Variants in GPR137B observed in about 807,000 individuals in gnomAD.
GPR137B encodes the protein integral membrane protein GPR137B.
A neutral mutation model predicts 42.5 loss-of-function variants in GPR137B; 42 were observed. The ratio of observed to expected loss-of-function variants is 0.99; its 90% CI spans 0.77 to 1.28. The LOEUF (loss-of-function observed/expected upper bound fraction) is 1.28, where lower values mean the gene tolerates loss of function less well. Ranked by LOEUF, GPR137B falls within the 50% of genes most tolerant of loss-of-function variation. The pLI is 0.00. For synonymous variants in GPR137B, 218 were observed against 209.7 expected (o/e 1.04, Z -0.34); for missense variants, 487 against 493.9 (o/e 0.99, Z 0.13).
intron 1 of GPR137B, among the ~76,000 whole-genome samples, chr1:236,149,938 GTGTA>G (rs1661798735): frequency 6.6e-6 from 1 of 151,828 alleles, no homozygotes; most frequent in Non-Finnish European, 1.5e-5. Context: ...GCACCTGTGT[GTGTA>G]TGTGCATATG....
At chr1:236,178,785 GTTTTTTTTTTT>G (rs3082534) in intron 3 of GPR137B, 149 bp downstream of exon 3, 154 of 49,518 alleles carry the variant, frequency 3.1e-3, no homozygotes, top group Middle Eastern at 0.014. Flanking sequence ...GCTACTCGAG[GTTTTTTTTTTT>G]TTTTTTTTTT....
intron 2 of GPR137B, among the ~76,000 whole-genome samples, chr1:236,177,951 C>T (rs146994218): frequency 6.6e-6 from 1 of 152,198 alleles, no homozygotes; most frequent in African/African-American, 2.4e-5. Context: ...TTCATTATCT[C>T]ACCTAATCCC....
chr1:236,159,766 G>A (rs1347407021), intron 1 of GPR137B, among the ~76,000 whole-genome samples: 14 of 152,366 alleles, frequency 9.2e-5, no homozygotes, highest in South Asian at 2.1e-4. Flanking sequence ...AAACAAGTAC[G>A]TCACATGCAG....
At chr1:236,202,464 CTG>C (rs938766519) in intron 5 of GPR137B, among the ~76,000 whole-genome samples, 6 of 152,032 alleles carry the variant, frequency 3.9e-5, no homozygotes, top group African/African-American at 1.5e-4. Flanking sequence ...TTCCAAGTGT[CTG>C]TGAATTCCTT....
chr1:236,161,282 G>A (rs1662186721), intron 1 of GPR137B, among the ~76,000 whole-genome samples: 5 of 152,124 alleles, frequency 3.3e-5, no homozygotes, highest in African/African-American at 7.2e-5. Flanking sequence ...CCTGGACAGC[G>A]GCCTCTTCCT....
chr1:236,144,235 C>T (rs373801516), intron 1 of GPR137B, among the ~76,000 whole-genome samples: 1 of 152,080 alleles, frequency 6.6e-6, no homozygotes, highest in East Asian at 1.9e-4. Context: ...GGCAACATGG[C>T]GAAACTTCCT....
chr1:236,203,314 T>G (rs1452977386), intron 5 of GPR137B, among the ~76,000 whole-genome samples: 1 of 152,116 alleles, frequency 6.6e-6, no homozygotes, highest in African/African-American at 2.4e-5. Flanking sequence ...CCTGACCTCA[T>G]GATCTGCCTG....
intron 2 of GPR137B, among the ~76,000 whole-genome samples, chr1:236,172,432 T>C (rs1662564163): frequency 1.3e-5 from 2 of 152,212 alleles, no homozygotes; most frequent in African/African-American, 2.4e-5. Flanking sequence ...TTGAAGATAA[T>C]TTATATTTAA....
intron 5 of GPR137B, among the ~76,000 whole-genome samples, chr1:236,188,682 G>A (rs1288227570): frequency 6.6e-6 from 1 of 152,160 alleles, no homozygotes; most frequent in Non-Finnish European, 1.5e-5. Context: ...CTTGATCGTG[G>A]TGGATAAGCT....
chr1:236,190,069 G>C (rs1354966812), intron 5 of GPR137B, among the ~76,000 whole-genome samples: 1 of 151,484 alleles, frequency 6.6e-6, no homozygotes, highest in Admixed American at 6.6e-5. Flanking sequence ...ATTATGTAAT[G>C]GCCTTTTTTT....
intron 1 of GPR137B, among the ~76,000 whole-genome samples, chr1:236,163,114 G>A (rs958425944): frequency 6.6e-5 from 10 of 152,336 alleles, no homozygotes; most frequent in African/African-American, 2.2e-4. Context: ...TTGCATCACT[G>A]TGACCTGGAT....
intron 4 of GPR137B, among the ~76,000 whole-genome samples, chr1:236,181,203 A>G (rs1394897340): frequency 1.3e-5 from 2 of 152,244 alleles, no homozygotes; most frequent in Non-Finnish European, 2.9e-5. Flanking sequence ...TTAAAAATAC[A>G]TTCTATAAAT....
At position 236,171,584 on chromosome 1, in the gene GPR137B, C is replaced by T. The variant is rs191469923; in HGVS notation, c.464+2829C>T. Among the ~76,000 whole-genome samples the T allele has an allele frequency of 2.0e-5, 3 of 152,260 alleles. No individual in the cohort carries two copies. The highest frequency in any genetic ancestry group is 1.9e-4 in the East Asian group (1 of 5,186). ...CTCTGAGCACGGGGACTGGGGTCTTCGGGTGAGAAGATATGTGCGTGGGGC... is the reference window on the plus strand; with the variant it reads ...CTCTGAGCACGGGGACTGGGGTCTTTGGGTGAGAAGATATGTGCGTGGGGC... On this transcript the variant is annotated intron_variant, in intron 2 of 6. Coordinates refer to ENST00000366592, the MANE Select transcript of GPR137B (RefSeq NM_003272.4). This position sits in a 1 kb window ranked among gnomAD's most constrained non-coding sequence, Gnocchi z 4.4.
intron 1 of GPR137B, among the ~76,000 whole-genome samples, chr1:236,146,523 C>T (rs1558476713): frequency 6.6e-6 from 1 of 152,168 alleles, no homozygotes; most frequent in East Asian, 1.9e-4. Flanking sequence ...GTACCTGGGC[C>T]TTACTCATCT....
chr1:236,164,919 A>T (rs1162127172), intron 1 of GPR137B, among the ~76,000 whole-genome samples: 1 of 144,034 alleles, frequency 6.9e-6, no homozygotes, highest in Non-Finnish European at 1.5e-5. Context: ...AGAGAGAGAG[A>T]GATGGATGGA....
chr1:236,175,548 G>A (rs868831108), intron 2 of GPR137B, among the ~76,000 whole-genome samples: 37 of 152,126 alleles, frequency 2.4e-4, no homozygotes, highest in African/African-American at 7.5e-4. Flanking sequence ...AAAGCACAGC[G>A]GATAAAACAA....
At chr1:236,177,082 A>G (rs560332511) in intron 2 of GPR137B, among the ~76,000 whole-genome samples, 1 of 152,264 alleles carries the variant, frequency 6.6e-6, no homozygotes, top group South Asian at 2.1e-4. Flanking sequence ...AGCCGGGTAG[A>G]CAAAGTTCTT....
intron 1 of GPR137B, among the ~76,000 whole-genome samples, chr1:236,154,729 A>T (rs1191202215): frequency 6.6e-6 from 1 of 151,746 alleles, no homozygotes; most frequent in Non-Finnish European, 1.5e-5. Context: ...GAGGGGCAAA[A>T]ACAAACTGGG....
chr1:236,184,942 T>A, intron 5 of GPR137B, among the ~76,000 whole-genome samples: 1 of 152,106 alleles, frequency 6.6e-6, no homozygotes, highest in Non-Finnish European at 1.5e-5. Context: ...AATTTTTGTA[T>A]TTTTAGTAGA....
Sources: gnomAD v4.1 joint callset for allele counts (sites outside exome capture counted in the v4.1 genomes callset) on GRCh38, gnomAD v4.1.1 for gene constraint, Gnocchi (gnomAD v3.1) non-coding constraint, MANE v1.5 for transcripts, NCBI Gene and HGNC (gene_info 2026-07-23, HGNC 2026-07-21) for gene names.